The following ZNF175 variants were observed in gnomAD, a reference collection of about 807,000 sequenced individuals.
ZNF175 encodes the protein zinc finger protein OTK18.
Under a neutral mutation model 14.0 loss-of-function variants are expected in ZNF175, and 8 were observed. The observed-to-expected ratio is 0.57, with a 90% CI of 0.34 to 1.03. ZNF175 has a LOEUF of 1.03. Ranked by LOEUF, ZNF175 falls within the 50% of genes least tolerant of loss-of-function variation. The probability of loss-of-function intolerance (pLI) is 0.03; values close to 1 mark genes in which losing one functional copy is unlikely to be tolerated. For missense variants in ZNF175, 764 were observed against 849.5 expected (o/e 0.90, Z 1.25); for synonymous variants, 255 against 296.8 (o/e 0.86, Z 1.45).
rs915594187 is a variant in ZNF175, at chr19:51,577,879, G to A, written c.73-3512G>A. On this transcript the variant is annotated intron_variant, in intron 2 of 4. Coordinates refer to ENST00000262259, the MANE Select transcript of ZNF175 (RefSeq NM_007147.4). ...GGGGTTTCACCGTGTTAGCCAGGATGGTCTCAATCTCCTGACCTCGTGATC... is the reference window on the plus strand; with the variant it reads ...GGGGTTTCACCGTGTTAGCCAGGATAGTCTCAATCTCCTGACCTCGTGATC... Among the ~76,000 whole-genome samples, 24 of 151,162 alleles carry A rather than the reference G, an allele frequency of 1.6e-4. No individual in the cohort carries two copies. In the South Asian group the frequency reaches 2.3e-3, roughly 14 times the overall value.
rs1981583014 is a variant in ZNF175, at chr19:51,571,447, G to C, written c.-209G>C. The C allele has an allele frequency of 6.6e-6, 1 of 152,360 alleles. No homozygotes were observed. Among genetic ancestry groups the C allele is most frequent in the African/African-American group, 2.4e-5 (1 of 41,330 alleles). The allele number at this position is 152,360 out of a possible 1,614,324, so 9.4% of individuals were successfully genotyped here. A position where few individuals can be genotyped will look rare whatever the true frequency, so the allele number is the denominator to read the frequency against. ...TGGGGGTGGGGGTGCGTGATAAAGG[G>C]ATTTCTCGGCTGAAGACGAGGCTGT... On this transcript the variant is annotated 5_prime_UTR_variant, in exon 1 of 5. Coordinates refer to ENST00000262259, the MANE Select transcript of ZNF175 (RefSeq NM_007147.4).
At chr19:51,581,952 C>G in intron 4 of ZNF175, 70 bp downstream of exon 4, 1 of 1,416,184 alleles carries the variant, frequency 7.1e-7, no homozygotes, top group Non-Finnish European at 9.8e-7. Flanking sequence ...CCATACTTTT[C>G]TATTCCCTCC....
intron 2 of ZNF175, chr19:51,573,844 A>C: frequency 4.6e-6 from 1 of 216,488 alleles, no homozygotes; most frequent in Non-Finnish European, 9.0e-6. Context: ...TGTAATTTAA[A>C]TAGTCACAGG....
Position 51,586,894 on chromosome 19 carries a change from T to C in ZNF175, c.563T>C (p.Leu188Pro), listed in dbSNP as rs1479695783. Reference sequence around the variant, plus strand: ...AAAATGATTCGCACGAGGCCCCACCTTGCTTCTTCACAGAAACAACCTCAG... The same window carrying C: ...AAAATGATTCGCACGAGGCCCCACCCTGCTTCTTCACAGAAACAACCTCAG... ...PGKMIRTRPH[L>P]ASSQKQPQKC... The change falls in exon 5 of 5, where the codon CTT (leucine) becomes CCT (proline). Residue 188 changes from leucine (L) to proline (P), a missense_variant. Leu to Pro is a moderately conservative substitution (Grantham distance 98). Transcript: ENST00000262259. 5.6e-6 allele frequency: 9 copies of C among 1,614,202 alleles called. No homozygotes were observed. Among genetic ancestry groups the C allele is most frequent in the Non-Finnish European group, 7.6e-6 (9 of 1,180,030 alleles).
At position 51,588,335 on chromosome 19, in the gene ZNF175, A is replaced by G. The variant is rs768437418; in HGVS notation, c.2004A>G (p.Glu668=). The change falls in exon 5 of 5, where the codon GAA becomes GAG. Residue 668 remains glutamate, a synonymous_variant. Coordinates refer to ENST00000262259, the MANE Select transcript of ZNF175 (RefSeq NM_007147.4). ...TGCATCAGCGAATTCACACGGGAGA[A>G]AGACCTTATGTGTGTTCTGAATGTG... ...LKVHQRIHTG[E]RPYVCSECGK... The G allele has an allele frequency of 1.1e-5, 18 of 1,613,984 alleles. No individual in the cohort carries two copies. The Admixed American group carries it at 3.0e-4, about 27-fold the overall frequency.
intron 2 of ZNF175, among the ~76,000 whole-genome samples, chr19:51,574,572 G>A (rs1303629173): frequency 2.0e-5 from 3 of 152,178 alleles, no homozygotes; most frequent in Admixed American, 6.5e-5. Flanking sequence ...GTACGTTGAC[G>A]TGGGAGGATC....
chr19:51,581,246 C>T lies in ZNF175; in HGVS notation c.73-145C>T, dbSNP rs1430482561. On this transcript the variant is annotated intron_variant, in intron 2 of 4. Coordinates refer to ENST00000262259, the MANE Select transcript of ZNF175 (RefSeq NM_007147.4). ...TATTTCTCTTATTTTTTTTTAAATC[C>T]CTAAAAATGTGAAATAGGTGTTTGG... is the stretch of plus-strand genomic sequence containing the variant. 10 of 1,060,268 alleles carry T rather than the reference C, an allele frequency of 9.4e-6. No individual in the cohort carries two copies. The Admixed American group carries it at 1.8e-4, about 19-fold the overall frequency. The allele number at this position is 1,060,268 out of a possible 1,614,324, so 65.7% of individuals were successfully genotyped here. A position where few individuals can be genotyped will look rare whatever the true frequency, so the allele number is the denominator to read the frequency against.
intron 2 of ZNF175, chr19:51,573,661 CAT>C: frequency 2.1e-6 from 1 of 469,372 alleles, no homozygotes; most frequent in Non-Finnish European, 3.7e-6. Flanking sequence ...AAGCCCCAGT[CAT>C]AGGATGGAAA....
rs779103788 is a variant in ZNF175, at chr19:51,586,939, A to T, written c.608A>T (p.Glu203Val). The T allele has an allele frequency of 6.2e-7, 1 of 1,614,186 alleles. No homozygotes were observed. The highest frequency in any genetic ancestry group is 8.5e-7 in the Non-Finnish European group (1 of 1,180,032). The change falls in exon 5 of 5, where the codon GAA becomes GTA. Residue 203 changes from glutamate to valine, a missense_variant. Glu to Val is a moderately radical substitution (Grantham distance 121). Coordinates refer to ENST00000262259, the MANE Select transcript of ZNF175 (RefSeq NM_007147.4). Reference protein sequence around the residue: ...KQPQKCCLFTESLKLNLEVNG... With the variant: ...KQPQKCCLFTVSLKLNLEVNG... ...CCTCAGAAATGTTGCTTATTTACAGAAAGTTTGAAGCTGAACCTAGAAGTG... is the reference window on the plus strand; with the variant it reads ...CCTCAGAAATGTTGCTTATTTACAGTAAGTTTGAAGCTGAACCTAGAAGTG...
In ZNF175 at chr19:51,587,363, T is replaced by C. The variant is rs769802286; in HGVS notation, c.1032T>C (p.Phe344=). 3.5e-5 allele frequency: 56 copies of C among 1,614,148 alleles called. No homozygotes were observed. Among genetic ancestry groups the C allele is most frequent in the Non-Finnish European group, 4.7e-5 (56 of 1,180,022 alleles). ...PCICKECGKV[F]IQRSELLTHQ... ...TATGCAAGGAATGTGGGAAGGTCTT[T>C]ATTCAGAGATCAGAATTGCTTACGC... is the stretch of plus-strand genomic sequence containing the variant. The change falls in exon 5 of 5, where the codon TTT becomes TTC. Residue 344 remains phenylalanine (F), a synonymous_variant. Coordinates refer to ENST00000262259, the MANE Select transcript of ZNF175 (RefSeq NM_007147.4).
chr19:51,579,988 A>G (rs1377117458), intron 2 of ZNF175, among the ~76,000 whole-genome samples: 1 of 152,054 alleles, frequency 6.6e-6, no homozygotes, highest in Non-Finnish European at 1.5e-5. Context: ...CAATATATAG[A>G]ATATAGAATG....
At chr19:51,573,516 C>A in intron 2 of ZNF175, 115 bp downstream of exon 2, 1 of 947,302 alleles carries the variant, frequency 1.1e-6, no homozygotes, top group Non-Finnish European at 1.6e-6. Flanking sequence ...CAAGCGAGGA[C>A]CACAGAGGCT....
At position 51,575,850 on chromosome 19, in the gene ZNF175, C is replaced by T. The variant is rs527604608; in HGVS notation, c.72+2449C>T. 3.9e-5 allele frequency among the ~76,000 whole-genome samples: 6 copies of T among 152,318 alleles called. No individual in the cohort carries two copies. In the South Asian group the frequency reaches 1.2e-3, roughly 32 times the overall value. ...CTCATACTTTCACCCCCAACACCTG[C>T]TTTCCTTGCCCATCCTTCTCTAGAA... On this transcript the variant is annotated intron_variant, in intron 2 of 4. Transcript: ENST00000262259.
At position 51,589,346 on chromosome 19, in the gene ZNF175, AGAT is replaced by A. The variant is rs1249101797; in HGVS notation, c.*882_*884del. 3.3e-5 allele frequency: 19 copies of A among 578,962 alleles called. No homozygotes were observed. In the African/African-American group the frequency reaches 3.4e-4, roughly 10 times the overall value. The allele number at this position is 578,962 out of a possible 1,614,324, so 35.9% of individuals were successfully genotyped here. A position where few individuals can be genotyped will look rare whatever the true frequency, so the allele number is the denominator to read the frequency against. ...TCACTGCATAGCAGGAGATGTAAGCAGATGAGTTATTTTTTAAGAGAATCTAAT... is the reference window on the plus strand; with the variant it reads ...TCACTGCATAGCAGGAGATGTAAGCAGAGTTATTTTTTAAGAGAATCTAAT... On this transcript the variant is annotated 3_prime_UTR_variant, in exon 5 of 5. Coordinates refer to ENST00000262259, the MANE Select transcript of ZNF175 (RefSeq NM_007147.4).
chr19:51,588,283 C>A lies in ZNF175; in HGVS notation c.1952C>A (p.Ser651Ter). 6.2e-7 allele frequency: 1 copy of A among 1,614,024 alleles called. No individual in the cohort carries two copies. Among genetic ancestry groups the A allele is most frequent in the Non-Finnish European group, 8.5e-7 (1 of 1,179,986 alleles). The change falls in exon 5 of 5, where the codon TCG (serine) becomes TAG (stop). Residue 651 changes from serine (S) to a stop codon, truncating the protein, a stop_gained. Coordinates refer to ENST00000262259, the MANE Select transcript of ZNF175 (RefSeq NM_007147.4). LOFTEE classifies it low-confidence loss of function (END_TRUNC). ...KPYECLDCGK[S>*]FSKKPQLKVH... ...TATGAATGCCTTGACTGTGGGAAAT[C>A]GTTCAGTAAGAAACCACAACTCAAG...
chr19:51,585,744 A>G (rs1032847089), intron 4 of ZNF175, among the ~76,000 whole-genome samples: 1 of 152,196 alleles, frequency 6.6e-6, no homozygotes, highest in Non-Finnish European at 1.5e-5. Flanking sequence ...AGGGACTCTT[A>G]TTCTTGGCAA....
At chr19:51,572,763 C>T (rs1158625181) in intron 1 of ZNF175, among the ~76,000 whole-genome samples, 3 of 152,124 alleles carry the variant, frequency 2.0e-5, no homozygotes, top group Admixed American at 2.0e-4. Context: ...TATGATAATG[C>T]CCATGATATT....
chr19:51,575,410 G>C (rs538766382), intron 2 of ZNF175, among the ~76,000 whole-genome samples: 1 of 151,770 alleles, frequency 6.6e-6, no homozygotes, highest in East Asian at 1.9e-4. Context: ...GTAGAGATGA[G>C]GTTTCACCAT....
At chr19:51,583,035 A>G (rs903190258) in intron 4 of ZNF175, among the ~76,000 whole-genome samples, 1 of 151,974 alleles carries the variant, frequency 6.6e-6, no homozygotes, top group African/African-American at 2.4e-5. Flanking sequence ...TTGTATTTCT[A>G]GTAGAGACGG....
Sources: gnomAD v4.1 joint callset for allele counts (sites outside exome capture counted in the v4.1 genomes callset) on GRCh38, gnomAD v4.1.1 for gene constraint, MANE v1.5 for transcripts, NCBI Gene and HGNC (gene_info 2026-07-23, HGNC 2026-07-21) for gene names.